VSX2: variants seen among roughly 807,000 people sequenced by gnomAD.
The protein encoded by VSX2 is ceh-10 homeo domain containing homolog.
Under a neutral mutation model 32.1 loss-of-function variants are expected in VSX2, and 28 were observed. The observed-to-expected ratio is 0.87, with a 90% CI of 0.65 to 1.20. The LOEUF is 1.20. VSX2 is among the 50% of genes most tolerant of loss of function. The probability of loss-of-function intolerance (pLI) is 0.00; values close to 1 mark genes in which losing one functional copy is unlikely to be tolerated. For missense variants in VSX2, 506 were observed against 488.7 expected, an observed-to-expected ratio of 1.04 and a Z score of -0.33; for synonymous variants, 243 against 214.1, an observed-to-expected ratio of 1.14 and a Z score of -1.18.
At chr14:74,243,027 T>C (rs1274001825) in intron 2 of VSX2, among the ~76,000 whole-genome samples, 1 of 152,222 alleles carries the variant, frequency 6.6e-6, no homozygotes, top group African/African-American at 2.4e-5. Context: ...CTGGGGTTTC[T>C]ATTTCTGTTG....
chr14:74,240,799 C>G (rs1175641489), intron 1 of VSX2, among the ~76,000 whole-genome samples: 2 of 152,138 alleles, frequency 1.3e-5, no homozygotes, highest in Non-Finnish European at 2.9e-5. Context: ...CTCCGCTCCT[C>G]GCTCCTCGAG....
At chr14:74,242,857 G>C (rs1248028953) in intron 2 of VSX2, among the ~76,000 whole-genome samples, 1 of 152,088 alleles carries the variant, frequency 6.6e-6, no homozygotes, top group East Asian at 1.9e-4. Context: ...CAAACCCTGG[G>C]TACAGGAATG....
At chr14:74,248,341 A>AAAAC (rs1566885611) in intron 3 of VSX2, among the ~76,000 whole-genome samples, 16 of 139,300 alleles carry the variant, frequency 1.1e-4, no homozygotes, top group Admixed American at 7.1e-4. Context: ...GGCTAAAAAA[A>AAAAC]AAAAAAAAAA....
chr14:74,240,912 G>T (rs1372788050), intron 1 of VSX2, among the ~76,000 whole-genome samples: 1 of 152,174 alleles, frequency 6.6e-6, no homozygotes, highest in Non-Finnish European at 1.5e-5. Context: ...AGGCTGCCTC[G>T]CTCTCCGTCG....
chr14:74,245,008 C>A (rs80101978), intron 2 of VSX2, among the ~76,000 whole-genome samples, 157 bp from the exon 3 acceptor site: 8 of 86,754 alleles, frequency 9.2e-5, no homozygotes, highest in African/African-American at 2.8e-4. Flanking sequence ...GAGAGAGAGA[C>A]AGAGAGAGAG....
intron 3 of VSX2, among the ~76,000 whole-genome samples, chr14:74,254,784 A>ATTTTTTTTTTTTTTTTTTTTTTTT (rs537753574): frequency 0.038 from 4,355 of 115,730 alleles, 768 homozygotes; most frequent in East Asian, 0.13. Flanking sequence ...CGAAAAGTGG[A>ATTTTTTTTTTTTTTTTTTTTTTTT]TTTTTTTTTT....
At chr14:74,245,855 C>T (rs1246791797) in intron 3 of VSX2, among the ~76,000 whole-genome samples, 1 of 152,226 alleles carries the variant, frequency 6.6e-6, no homozygotes, top group Non-Finnish European at 1.5e-5. Context: ...CCTGCTGCTC[C>T]TTTTCTTCTC....
At chr14:74,258,174 G>C (rs1468743760) in intron 3 of VSX2, among the ~76,000 whole-genome samples, 1 of 152,218 alleles carries the variant, frequency 6.6e-6, no homozygotes, top group African/African-American at 2.4e-5. Flanking sequence ...GGCGAGTGCT[G>C]CCTCCCCAGC....
chr14:74,259,697 G>A lies in VSX2; in HGVS notation c.675G>A (p.Met225Ile), dbSNP rs1253189761. Reference sequence around the variant, plus strand: ...CGGAGTATGGGCTCTACGGGGCCATGGTGCGGCACTCCATCCCCCTGCCCG... The same window carrying A: ...CGGAGTATGGGCTCTACGGGGCCATAGTGCGGCACTCCATCCCCCTGCCCG... ...VMAEYGLYGAMVRHSIPLPES... is the reference protein window; with the variant it reads ...VMAEYGLYGAIVRHSIPLPES... The change falls in exon 4 of 5, where the codon ATG becomes ATA. Residue 225 changes from methionine to isoleucine, a missense_variant. Transcript: ENST00000261980. 6.2e-7 allele frequency: 1 copy of A among 1,614,076 alleles called. No homozygotes were observed. Among genetic ancestry groups the A allele is most frequent in the Non-Finnish European group, 8.5e-7 (1 of 1,179,942 alleles).
chr14:74,239,825 C>T lies in VSX2; in HGVS notation c.264C>T (p.Tyr88=). 6.3e-7 allele frequency: 1 copy of T among 1,575,330 alleles called. No individual in the cohort carries two copies. The highest frequency in any genetic ancestry group is 8.6e-7 in the Non-Finnish European group (1 of 1,161,972). Residue 88 remains tyrosine, a synonymous_variant, in exon 1 of 5, where the codon TAC becomes TAT. Transcript: ENST00000261980. ...LLGPGGLPGF[Y]TQPTFLEVLS... ...GGCCCGGGGGGCTCCCTGGCTTCTA[C>T]ACGCAGCCCACCTTCCTGGAAGTGC...
chr14:74,249,270 T>C (rs2079214745), intron 3 of VSX2, among the ~76,000 whole-genome samples: 1 of 152,212 alleles, frequency 6.6e-6, no homozygotes, highest in East Asian at 1.9e-4. Flanking sequence ...GTTTCTTCTC[T>C]TTTTCTTCTT....
chr14:74,244,961 T>TGAGAGAGAGAGAGAAAGAGAGAGAGAAA (rs2079179739), intron 2 of VSX2, among the ~76,000 whole-genome samples: 6 of 95,104 alleles, frequency 6.3e-5, no homozygotes, highest in Admixed American at 1.1e-4. Context: ...TGTGTGTGTG[T>TGAGAGAGAGAGAGAAAGAGAGAGAGAAA]GTGTGTGTGT....
At chr14:74,259,347 C>T (rs976510570) in intron 3 of VSX2, among the ~76,000 whole-genome samples, 41 of 152,098 alleles carry the variant, frequency 2.7e-4, no homozygotes, top group Admixed American at 9.2e-4. Flanking sequence ...CTGGGTCCTG[C>T]GCACCTGCAA....
At chr14:74,252,912 G>A (rs1340582199) in intron 3 of VSX2, among the ~76,000 whole-genome samples, 1 of 151,958 alleles carries the variant, frequency 6.6e-6, no homozygotes, top group African/African-American at 2.4e-5. Context: ...AGCCGGGCAT[G>A]GTGGCGGGTG....
chr14:74,244,929 T>TGTGTGTGTGA, intron 2 of VSX2, among the ~76,000 whole-genome samples: 1 of 38,914 alleles, frequency 2.6e-5, no homozygotes, highest in Non-Finnish European at 6.4e-5. Context: ...TGTGTGTGTG[T>TGTGTGTGTGA]GAAAGAGAGA....
At chr14:74,259,937 G>T (rs147089519) in intron 4 of VSX2, among the ~76,000 whole-genome samples, 155 bp downstream of exon 4, 284 of 152,280 alleles carry the variant, frequency 1.9e-3, no homozygotes, top group Middle Eastern at 0.014. Flanking sequence ...TATCCTGGGG[G>T]ACTCAGAGCA....
chr14:74,259,918 C>A, intron 4 of VSX2, 136 bp downstream of exon 4: 1 of 979,664 alleles, frequency 1.0e-6, no homozygotes, highest in Non-Finnish European at 1.5e-6. Flanking sequence ...CAAAGCAAAC[C>A]TCTTGGTCTA....
chr14:74,241,247 C>A lies in VSX2; in HGVS notation c.436C>A (p.Arg146=). Residue 146 remains arginine (R), a synonymous_variant, in exon 2 of 5, where the codon CGG becomes AGG. Coordinates refer to ENST00000261980, the MANE Select transcript of VSX2 (RefSeq NM_182894.3). Reference sequence around the variant, plus strand: ...ATCTGCTTTAAACCAGACCAAGAAACGGAAGAAGCGGCGACACAGGTGAGG... The same window carrying A: ...ATCTGCTTTAAACCAGACCAAGAAAAGGAAGAAGCGGCGACACAGGTGAGG... ...SKSALNQTKK[R]KKRRHRTIFT... 1.2e-6 allele frequency: 2 copies of A among 1,613,178 alleles called. No individual in the cohort carries two copies. The highest frequency in any genetic ancestry group is 1.1e-5 in the South Asian group (1 of 91,090).
At position 74,261,015 on chromosome 14, in the gene VSX2, C is replaced by G; in HGVS notation, c.*96C>G. 9 of 1,395,106 alleles carry G rather than the reference C, an allele frequency of 6.5e-6. No homozygotes were observed. Among genetic ancestry groups the G allele is most frequent in the Non-Finnish European group, 8.9e-6 (9 of 1,016,778 alleles). 86.4% of individuals were successfully genotyped at this position (1,395,106 alleles called of 1,614,324 possible). A position where few individuals can be genotyped will look rare whatever the true frequency, so the allele number is the denominator to read the frequency against. ...TCTCTGAGGCAAGGCCCAGACCTGG[C>G]CTCTGCCATCCTCCCTGTTCCCCAC... is the stretch of plus-strand genomic sequence containing the variant. On this transcript the variant is annotated 3_prime_UTR_variant, in exon 5 of 5. Transcript: ENST00000261980.
Sources: gnomAD v4.1 joint callset for allele counts (sites outside exome capture counted in the v4.1 genomes callset) on GRCh38, gnomAD v4.1.1 for gene constraint, MANE v1.5 for transcripts, NCBI Gene and HGNC (gene_info 2026-07-23, HGNC 2026-07-21) for gene names.